The following HMGB1 variants were observed in gnomAD, a reference collection of about 807,000 sequenced individuals.
HMGB1 encodes the protein high mobility group protein B1.
For synonymous variants in HMGB1, 81 were observed against 84.0 expected, an observed-to-expected ratio of 0.96 and a Z score of 0.19; for missense variants, 79 against 253.5, an observed-to-expected ratio of 0.31 and a Z score of 4.67.
chr13:30,468,819 C>T (rs945303777), upstream of HMGB1, among the ~76,000 whole-genome samples: 10 of 152,204 alleles, frequency 6.6e-5, no homozygotes, highest in South Asian at 2.1e-4. Flanking sequence ...TGATATTAGA[C>T]GCTTTTCTTC....
intron 1 of HMGB1, among the ~76,000 whole-genome samples, chr13:30,538,451 A>ATTCTTT (rs1326538298): frequency 1.4e-4 from 13 of 90,684 alleles, no homozygotes; most frequent in African/African-American, 7.3e-4. Flanking sequence ...AGTACTAGCA[A>ATTCTTT]TTCTTTCTTT....
At chr13:30,484,676 C>A (rs539867818) in intron 1 of HMGB1, among the ~76,000 whole-genome samples, 3 of 151,084 alleles carry the variant, frequency 2.0e-5, no homozygotes, top group African/African-American at 7.3e-5. Context: ...TCAAAACTAG[C>A]CTAGGAAACA....
rs893264602 is a variant in HMGB1 at position 30,465,498 on chromosome 13, TA to T, written c.-15+297del. Among the ~76,000 whole-genome samples, 25 of 147,978 alleles carry T rather than the reference TA, an allele frequency of 1.7e-4. No individual in the cohort carries two copies. In the South Asian group the frequency reaches 2.7e-3, roughly 16 times the overall value. On this transcript the variant is annotated intron_variant, in intron 1 of 4. Transcript: ENST00000341423. ...AAAACACGTTCAAAATTTTTTTAAT[TA>T]AAAAAAAAATTTTTTTTTTTGCGCC...
chr13:30,525,021 A>G lies in HMGB1; in HGVS notation c.-14-61327T>C, dbSNP rs540807416. Among the ~76,000 whole-genome samples, 159 of 152,354 alleles carry G rather than the reference A, an allele frequency of 1.0e-3. 1 individual carries two copies. Among genetic ancestry groups the G allele is most frequent in the Non-Finnish European group, 2.4e-4 (16 of 68,040 alleles). On this transcript the variant is annotated intron_variant, in intron 1 of 4. Coordinates refer to the HMGB1 transcript ENST00000405805. ...AACAAATCGGCATAGTAAAATGGTTACAAATATGGCTTTGAAGTCTAACAG... is the reference window on the plus strand; with the variant it reads ...AACAAATCGGCATAGTAAAATGGTTGCAAATATGGCTTTGAAGTCTAACAG...
exon 1 of HMGB1, chr13:30,617,504 CCA>C (rs1260600810): frequency 6.6e-6 from 1 of 152,282 alleles, no homozygotes; most frequent in East Asian, 1.9e-4. Flanking sequence ...GCGGGTCACC[CCA>C]GGAACCAGCG....
chr13:30,515,679 G>T (rs1161675784), intron 1 of HMGB1, among the ~76,000 whole-genome samples: 1 of 139,290 alleles, frequency 7.2e-6, no homozygotes, highest in Admixed American at 7.3e-5. Flanking sequence ...TATATTTATT[G>T]AATTGCTAAA....
At chr13:30,472,120 A>C (rs1338591179) in intron 1 of HMGB1, among the ~76,000 whole-genome samples, 2 of 152,048 alleles carry the variant, frequency 1.3e-5, no homozygotes, top group African/African-American at 4.8e-5. Flanking sequence ...TCTACTAAAA[A>C]GACCAAAATG....
chr13:30,602,399 C>T (rs1486915206), intron 1 of HMGB1, among the ~76,000 whole-genome samples: 3 of 152,110 alleles, frequency 2.0e-5, no homozygotes, highest in African/African-American at 4.8e-5. Context: ...AAATAATAAA[C>T]GATGTTTTTT....
At chr13:30,609,630 G>T (rs1454298068) in intron 1 of HMGB1, among the ~76,000 whole-genome samples, 2 of 152,118 alleles carry the variant, frequency 1.3e-5, no homozygotes, top group Non-Finnish European at 2.9e-5. Context: ...GGGTGCAGGT[G>T]GTTTTTGGTT....
At chr13:30,489,945 C>T (rs938740852) in intron 1 of HMGB1, among the ~76,000 whole-genome samples, 2 of 148,590 alleles carry the variant, frequency 1.3e-5, no homozygotes, top group Admixed American at 6.9e-5. Context: ...GTGTTGGCCT[C>T]GAACTCCTGA....
At chr13:30,497,625 G>A (rs1363166808) in intron 1 of HMGB1, among the ~76,000 whole-genome samples, 2 of 151,974 alleles carry the variant, frequency 1.3e-5, no homozygotes, top group East Asian at 3.9e-4. Context: ...CCTCAAGTAG[G>A]CCCCAGTGTC....
intron 1 of HMGB1, among the ~76,000 whole-genome samples, chr13:30,516,978 A>C (rs566442477): frequency 6.6e-6 from 1 of 152,200 alleles, no homozygotes; most frequent in Admixed American, 6.5e-5. Flanking sequence ...AAATACATAA[A>C]TGCTAAAAAA....
intron 1 of HMGB1, among the ~76,000 whole-genome samples, chr13:30,607,941 C>T (rs760767666): frequency 6.6e-5 from 10 of 152,068 alleles, no homozygotes; most frequent in African/African-American, 1.4e-4. Flanking sequence ...TTGTGGTAGC[C>T]GGCCCCCAAG....
intron 1 of HMGB1, among the ~76,000 whole-genome samples, chr13:30,488,355 G>A (rs1887407987): frequency 6.6e-6 from 1 of 152,188 alleles, no homozygotes; most frequent in Admixed American, 6.5e-5. Flanking sequence ...GATAGTTGTT[G>A]TAACATCACT....
intron 1 of HMGB1, among the ~76,000 whole-genome samples, chr13:30,478,241 G>A (rs1887144338): frequency 6.6e-6 from 1 of 152,212 alleles, no homozygotes; most frequent in Non-Finnish European, 1.5e-5. Flanking sequence ...GGAGGCCAAG[G>A]CAGGAGGATC....
At chr13:30,473,307 C>T (rs1886992436) in intron 1 of HMGB1, among the ~76,000 whole-genome samples, 1 of 152,122 alleles carries the variant, frequency 6.6e-6, no homozygotes, top group Non-Finnish European at 1.5e-5. Context: ...TCAATAAGTT[C>T]TCTAGAATTG....
At chr13:30,503,802 C>T (rs1887792538) in intron 1 of HMGB1, among the ~76,000 whole-genome samples, 1 of 151,862 alleles carries the variant, frequency 6.6e-6, no homozygotes, top group Middle Eastern at 3.2e-3. Flanking sequence ...TCTGTAATTC[C>T]AGCTACTGGA....
At chr13:30,558,223 C>T (rs571604885) in intron 1 of HMGB1, among the ~76,000 whole-genome samples, 1 of 152,280 alleles carries the variant, frequency 6.6e-6, no homozygotes, top group East Asian at 1.9e-4. Flanking sequence ...AGTCTAGAAA[C>T]TTAACCCTTG....
intron 1 of HMGB1, among the ~76,000 whole-genome samples, chr13:30,549,802 C>T (rs763097256): frequency 1.3e-5 from 2 of 151,984 alleles, no homozygotes; most frequent in Non-Finnish European, 2.9e-5. Flanking sequence ...CTGCAACCTC[C>T]GCCTCTCGGG....
Sources: allele counts gnomAD v4.1 joint callset (sites outside exome capture counted in the v4.1 genomes callset), GRCh38; gene constraint gnomAD v4.1.1; transcripts MANE v1.5; gene names NCBI Gene and HGNC (gene_info 2026-07-23, HGNC 2026-07-21).